Variants in DCUN1D5 observed in about 807,000 individuals in gnomAD.
DCUN1D5 encodes the protein DCN1-like protein 5.
A neutral mutation model predicts 38.3 loss-of-function variants in DCUN1D5; 10 were observed. That is an observed-to-expected ratio of 0.26 (90% CI 0.16 to 0.44). The LOEUF is 0.44. Among genes scored for constraint, DCUN1D5 ranks in the 20% least tolerant of loss-of-function variants. The probability of loss-of-function intolerance (pLI) is 1.00; values close to 1 mark genes in which losing one functional copy is unlikely to be tolerated. For synonymous variants in DCUN1D5, 93 were observed against 90.9 expected (o/e 1.02, Z -0.13); for missense variants, 148 against 275.3 (o/e 0.54, Z 3.27).
chr11:103,076,981 G>C (rs191612369), intron 4 of DCUN1D5, among the ~76,000 whole-genome samples: 1 of 152,090 alleles, frequency 6.6e-6, no homozygotes, highest in Admixed American at 6.6e-5. Flanking sequence ...GGTGGATCAC[G>C]AGGTCAGGAG....
At chr11:103,090,656 T>TA (rs1193780495) in intron 1 of DCUN1D5, among the ~76,000 whole-genome samples, 1 of 152,232 alleles carries the variant, frequency 6.6e-6, no homozygotes, top group African/African-American at 2.4e-5. Flanking sequence ...CTCACTCCTG[T>TA]AATCCCAGCA....
In DCUN1D5 at chr11:103,087,091, T is replaced by C. The variant is rs1862728674; in HGVS notation, c.178+2136A>G. ...CTGTAATCCCACCACTCTGGGAAGC[T>C]GAGGCAATTAGATCACTTGAGCCCA... On this transcript the variant is annotated intron_variant, in intron 2 of 7. Transcript: ENST00000260247. The surrounding 1 kb of genome is among the most constrained non-coding windows in gnomAD (Gnocchi z 4.1). 6.6e-6 allele frequency among the ~76,000 whole-genome samples: 1 copy of C among 151,880 alleles called. No homozygotes were observed. The highest frequency in any genetic ancestry group is 2.4e-5 in the African/African-American group (1 of 41,362).
Position 103,064,206 on chromosome 11 carries a change from C to T in DCUN1D5, c.658+69G>A. ...TTAAAACCTCTATGCTAATACTACA[C>T]AAATGCATACTCTCATTTAATATTT... On this transcript the variant is annotated intron_variant, in intron 7 of 7. Coordinates refer to ENST00000260247, the MANE Select transcript of DCUN1D5 (RefSeq NM_032299.4). The surrounding 1 kb of genome is among the most constrained non-coding windows in gnomAD (Gnocchi z 4.5). 8.3e-7 allele frequency: 1 copy of T among 1,197,972 alleles called. No individual in the cohort carries two copies. The highest frequency in any genetic ancestry group is 2.4e-5 in the East Asian group (1 of 42,426). 74.2% of individuals were successfully genotyped at this position (1,197,972 alleles called of 1,614,324 possible).
intron 4 of DCUN1D5, among the ~76,000 whole-genome samples, chr11:103,067,754 T>C (rs1316576104): frequency 6.6e-6 from 1 of 152,206 alleles, no homozygotes; most frequent in Non-Finnish European, 1.5e-5. Context: ...AATTTGGTCA[T>C]GTTATCTGTT....
intron 2 of DCUN1D5, among the ~76,000 whole-genome samples, chr11:103,088,455 C>T (rs1055148373): frequency 2.0e-5 from 3 of 152,138 alleles, no homozygotes; most frequent in African/African-American, 4.8e-5. Context: ...CATATATTTG[C>T]TTAACTCTTC....
chr11:103,080,551 A>G (rs1340903552), intron 4 of DCUN1D5, among the ~76,000 whole-genome samples: 1 of 152,252 alleles, frequency 6.6e-6, no homozygotes, highest in Non-Finnish European at 1.5e-5. Context: ...GCTCACTTCA[A>G]GCATTCCTCA....
rs1157262576 is a variant in DCUN1D5, at chr11:103,056,699, G to A, written c.*5660C>T. The stretch of plus-strand genomic sequence containing the variant: ...TTCTTGGCATATAGTAGATGCTTGA[G>A]ATTTGTTAAATTAATGATTTAGTCT... On this transcript the variant is annotated 3_prime_UTR_variant, in exon 8 of 8. Coordinates refer to ENST00000260247, the MANE Select transcript of DCUN1D5 (RefSeq NM_032299.4). The surrounding 1 kb of genome is among the most constrained non-coding windows in gnomAD (Gnocchi z 4.9). Among the ~76,000 whole-genome samples, 2 of 152,104 alleles carry A rather than the reference G, an allele frequency of 1.3e-5. No individual in the cohort carries two copies. The highest frequency in any genetic ancestry group is 2.4e-5 in the African/African-American group (1 of 41,422).
rs760555169 is a variant in DCUN1D5, at chr11:103,066,512, T to G, written c.397A>C (p.Asn133His). 13 of 1,612,804 alleles carry G rather than the reference T, an allele frequency of 8.1e-6. No homozygotes were observed. The highest frequency in any genetic ancestry group is 1.6e-4 in the Middle Eastern group (1 of 6,074). Reference protein sequence around the residue: ...NKFDFLRSQLNDISSFKNIYR... With the variant: ...NKFDFLRSQLHDISSFKNIYR... Reference sequence around the variant, plus strand: ...ATATTCTTAAATGACGAAATATCATTCAACTGTGAGCGCAAAAAGTCAAAT... The same window carrying G: ...ATATTCTTAAATGACGAAATATCATGCAACTGTGAGCGCAAAAAGTCAAAT... Residue 133 changes from asparagine to histidine, a missense_variant, in exon 5 of 8, where the codon AAT becomes CAT. By Grantham distance (68) the Asn-to-His change is moderately conservative (BLOSUM62 1). Coordinates refer to ENST00000260247, the MANE Select transcript of DCUN1D5 (RefSeq NM_032299.4). This position sits in a 1 kb window ranked among gnomAD's most constrained non-coding sequence, Gnocchi z 4.7.
chr11:103,090,252 C>T (rs953370455), intron 1 of DCUN1D5, among the ~76,000 whole-genome samples: 16 of 152,016 alleles, frequency 1.1e-4, no homozygotes, highest in African/African-American at 3.6e-4. Flanking sequence ...TGATATAGTA[C>T]AAAAATGAAT....
chr11:103,066,094 TATTAATAA>T lies in DCUN1D5; in HGVS notation c.555+167_555+174del, dbSNP rs538428230. Among the ~76,000 whole-genome samples the T allele has an allele frequency of 7.0e-3, 1,070 of 151,994 alleles. 8 individuals carry two copies. Among genetic ancestry groups the T allele is most frequent in the African/African-American group, 0.024 (1,010 of 41,456 alleles). On this transcript the variant is annotated intron_variant, in intron 6 of 7. Coordinates refer to ENST00000260247, the MANE Select transcript of DCUN1D5 (RefSeq NM_032299.4). This position sits in a 1 kb window ranked among gnomAD's most constrained non-coding sequence, Gnocchi z 4.7. ...TTGAAAATATCTTAGGTACAAAATATATTAATAAACATGAACTTCTATCTAAAAATAGC... is the reference window on the plus strand; with the variant it reads ...TTGAAAATATCTTAGGTACAAAATATACATGAACTTCTATCTAAAAATAGC...
rs1451352506 is a variant in DCUN1D5 at position 103,052,193 on chromosome 11, T to C, written c.*10166A>G. The C allele has an allele frequency of 6.6e-6, 1 of 152,226 alleles. No homozygotes were observed. The highest frequency in any genetic ancestry group is 1.5e-5 in the Non-Finnish European group (1 of 68,034). 9.4% of individuals were successfully genotyped at this position (152,226 alleles called of 1,614,324 possible). A position where few individuals can be genotyped will look rare whatever the true frequency, so the allele number is the denominator to read the frequency against. On this transcript the variant is annotated 3_prime_UTR_variant, in exon 8 of 8. Transcript: ENST00000260247. ...ACCTACCATGAGTCAGGCACCATGC[T>C]GAGAGCTGAAGACATGGTTTCTGCC... is the stretch of plus-strand genomic sequence containing the variant.
Position 103,086,293 on chromosome 11 carries a change from C to T in DCUN1D5, c.178+2934G>A, listed in dbSNP as rs1862705720. Among the ~76,000 whole-genome samples the T allele has an allele frequency of 2.6e-5, 4 of 152,122 alleles. No homozygotes were observed. Among genetic ancestry groups the T allele is most frequent in the Admixed American group, 1.3e-4 (2 of 15,276 alleles). On this transcript the variant is annotated intron_variant, in intron 2 of 7. Coordinates refer to ENST00000260247, the MANE Select transcript of DCUN1D5 (RefSeq NM_032299.4). The surrounding 1 kb of genome is among the most constrained non-coding windows in gnomAD (Gnocchi z 4.1). ...AACCAGTAAATCTGATGCTGTAATG[C>T]TATTACTGTTTTAATAATAATAACA...
At position 103,077,498 on chromosome 11, in the gene DCUN1D5, G is replaced by A. The variant is rs1355099179; in HGVS notation, c.341+5250C>T. Among the ~76,000 whole-genome samples the A allele has an allele frequency of 3.3e-5, 5 of 152,112 alleles. No individual in the cohort carries two copies. Among genetic ancestry groups the A allele is most frequent in the Admixed American group, 1.3e-4 (2 of 15,284 alleles). On this transcript the variant is annotated intron_variant, in intron 4 of 7. Coordinates refer to ENST00000260247, the MANE Select transcript of DCUN1D5 (RefSeq NM_032299.4). This position sits in a 1 kb window ranked among gnomAD's most constrained non-coding sequence, Gnocchi z 4.3. Reference sequence around the variant, plus strand: ...ACCACACAGATTTGAGGGAACACTGGCACAATACAATACACCATTCTCCAA... The same window carrying A: ...ACCACACAGATTTGAGGGAACACTGACACAATACAATACACCATTCTCCAA...
intron 4 of DCUN1D5, among the ~76,000 whole-genome samples, chr11:103,080,976 T>A (rs982859818): frequency 1.3e-5 from 2 of 151,626 alleles, no homozygotes. Flanking sequence ...GCCACTGTAC[T>A]GTAGCCTGGC....
intron 4 of DCUN1D5, among the ~76,000 whole-genome samples, chr11:103,074,440 C>T (rs747088449): frequency 2.0e-5 from 3 of 152,150 alleles, no homozygotes; most frequent in Non-Finnish European, 4.4e-5. Flanking sequence ...GATTGAGTCT[C>T]GCTCTGTCCC....
chr11:103,092,115 A>G lies in DCUN1D5; in HGVS notation c.-243T>C. 2.1e-6 allele frequency: 1 copy of G among 481,190 alleles called. No homozygotes were observed. The highest frequency in any genetic ancestry group is 3.7e-6 in the Non-Finnish European group (1 of 271,580). The allele number at this position is 481,190 out of a possible 1,614,324, so 29.8% of individuals were successfully genotyped here. A position where few individuals can be genotyped will look rare whatever the true frequency, so the allele number is the denominator to read the frequency against. ...GACACTGCGGTTCGTTCTCACCGGG[A>G]GGAGATAACGCGGACAGCGCGGCAG... On this transcript the variant is annotated 5_prime_UTR_variant, in exon 1 of 8. Transcript: ENST00000260247.
Position 103,077,919 on chromosome 11 carries a change from T to C in DCUN1D5, c.341+4829A>G, listed in dbSNP as rs938641600. On this transcript the variant is annotated intron_variant, in intron 4 of 7. Transcript: ENST00000260247. The surrounding 1 kb of genome is among the most constrained non-coding windows in gnomAD (Gnocchi z 4.3). ...AGAGAACAGAGGGAAAGGATGCTAATGGCAATTAGTAGTTGGGCCCCAAAT... is the reference window on the plus strand; with the variant it reads ...AGAGAACAGAGGGAAAGGATGCTAACGGCAATTAGTAGTTGGGCCCCAAAT... Among the ~76,000 whole-genome samples, 1 of 152,130 alleles carries C rather than the reference T, an allele frequency of 6.6e-6. No homozygotes were observed. The highest frequency in any genetic ancestry group is 2.1e-4 in the South Asian group (1 of 4,816).
In DCUN1D5 at chr11:103,091,455, G is replaced by C. The variant is rs1217677228; in HGVS notation, c.86+332C>G. On this transcript the variant is annotated intron_variant, in intron 1 of 7. Transcript: ENST00000260247. This position sits in a 1 kb window ranked among gnomAD's most constrained non-coding sequence, Gnocchi z 4.3. The stretch of plus-strand genomic sequence containing the variant: ...AGAAAAAGGCAGAGGAGCGATACGG[G>C]AGTAGGGGATCGAGGGTCGGTTGTG... 5 of 330,766 alleles carry C rather than the reference G, an allele frequency of 1.5e-5. No homozygotes were observed. The highest frequency in any genetic ancestry group is 2.7e-5 in the South Asian group (1 of 37,456). The allele number at this position is 330,766 out of a possible 1,614,324, so 20.5% of individuals were successfully genotyped here. A position where few individuals can be genotyped will look rare whatever the true frequency, so the allele number is the denominator to read the frequency against.
rs537880325 is a variant in DCUN1D5 at position 103,091,936 on chromosome 11, C to A, written c.-64G>T. ...GAAGGGGGTCCCTGTCCGCTGGAAG[C>A]CCCTCAGCGCTGGCACCCAGTTCCC... On this transcript the variant is annotated 5_prime_UTR_variant, in exon 1 of 8. Transcript: ENST00000260247. This position sits in a 1 kb window ranked among gnomAD's most constrained non-coding sequence, Gnocchi z 4.3. 7.5e-6 allele frequency: 11 copies of A among 1,468,458 alleles called. No individual in the cohort carries two copies. The highest frequency in any genetic ancestry group is 9.3e-6 in the Non-Finnish European group (10 of 1,079,982). 91.0% of individuals were successfully genotyped at this position (1,468,458 alleles called of 1,614,324 possible).
Sources: allele counts gnomAD v4.1 joint callset (sites outside exome capture counted in the v4.1 genomes callset), GRCh38; gene constraint gnomAD v4.1.1; non-coding constraint Gnocchi (gnomAD v3.1); transcripts MANE v1.5; gene names NCBI Gene and HGNC (gene_info 2026-07-23, HGNC 2026-07-21).